The following CLTCL1 variants were observed in gnomAD, a reference collection of about 807,000 sequenced individuals.
CLTCL1 encodes the protein clathrin heavy chain like 1.
CLTCL1 carries 159 observed loss-of-function variants against 190.0 expected under a neutral mutation model. The observed-to-expected ratio is 0.84, with a 90% CI of 0.74 to 0.95. The LOEUF is 0.95. CLTCL1 is among the 40% of genes least tolerant of loss of function. The pLI is 0.00. For synonymous variants in CLTCL1, 752 were observed against 769.6 expected, an observed-to-expected ratio of 0.98 and a Z score of 0.38; for missense variants, 1,878 against 2,033.4, an observed-to-expected ratio of 0.92 and a Z score of 1.47.
rs144812591 is a variant in CLTCL1 at position 19,193,177 on chromosome 22, T to C, written c.4192-1742A>G. Among the ~76,000 whole-genome samples the C allele has an allele frequency of 3.9e-5, 6 of 152,308 alleles. No individual in the cohort carries two copies. In the East Asian group the frequency reaches 9.6e-4, roughly 24 times the overall value. ...GCAGGTATCACGCGAGTGGACAGAC[T>C]TGAAGTGGGGCACCAGCAGTCCTAG... On this transcript the variant is annotated intron_variant, in intron 26 of 32. Transcript: ENST00000427926.
intron 2 of CLTCL1, among the ~76,000 whole-genome samples, chr22:19,259,616 C>G (rs1355521241): frequency 2.6e-5 from 4 of 152,108 alleles, no homozygotes; most frequent in Non-Finnish European, 5.9e-5. Context: ...TTTGTGTCAC[C>G]ATGAACCACA....
rs782014472 is a variant in CLTCL1, at chr22:19,220,020, C to T, written c.2797-13G>A. ...TCTCATTGCACACCTGAAATGAGCA[C>T]ACTCATGTGTGTGACACAGCAGCCA... On this transcript the variant is annotated splice_polypyrimidine_tract_variant and intron_variant, in intron 17 of 32. Coordinates refer to ENST00000427926, the MANE Select transcript of CLTCL1 (RefSeq NM_007098.4). 4 of 1,613,754 alleles carry T rather than the reference C, an allele frequency of 2.5e-6. No homozygotes were observed. In the Admixed American group the frequency reaches 6.7e-5, roughly 27 times the overall value.
At chr22:19,279,128 A>G (rs1280855907) in intron 1 of CLTCL1, among the ~76,000 whole-genome samples, 1 of 151,880 alleles carries the variant, frequency 6.6e-6, no homozygotes, top group Non-Finnish European at 1.5e-5. Flanking sequence ...TACAGTATTT[A>G]TGTATTTATG....
At position 19,179,820 on chromosome 22, in the gene CLTCL1, A is replaced by G. The variant is rs2084066566; in HGVS notation, c.*170T>C. 7.4e-6 allele frequency: 2 copies of G among 269,672 alleles called. No individual in the cohort carries two copies. The highest frequency in any genetic ancestry group is 1.4e-5 in the Non-Finnish European group (2 of 139,578). 16.7% of individuals were successfully genotyped at this position (269,672 alleles called of 1,614,324 possible). ...GCGTCCCCTGTGCTGCTGGAGTGAC[A>G]TGCTCCTTGGAGAAGTTAGTAACTC... On this transcript the variant is annotated 3_prime_UTR_variant, in exon 33 of 33. Transcript: ENST00000427926.
At chr22:19,271,011 C>T (rs1403472770) in intron 2 of CLTCL1, among the ~76,000 whole-genome samples, 1 of 151,994 alleles carries the variant, frequency 6.6e-6, no homozygotes, top group Non-Finnish European at 1.5e-5. Context: ...GACCAGCCTT[C>T]TTTGGGAAAT....
intron 3 of CLTCL1, among the ~76,000 whole-genome samples, chr22:19,249,712 A>C (rs1226378528): frequency 6.6e-6 from 1 of 152,156 alleles, no homozygotes; most frequent in Non-Finnish European, 1.5e-5. Context: ...AAAGAAAAAA[A>C]AAGAAATAAC....
chr22:19,282,854 T>TTTTC (rs374292764), intron 1 of CLTCL1, among the ~76,000 whole-genome samples: 1 of 151,480 alleles, frequency 6.6e-6, no homozygotes, highest in African/African-American at 2.4e-5. Context: ...AAGCCAGGTT[T>TTTTC]TTTCTTTCTT....
intron 3 of CLTCL1, among the ~76,000 whole-genome samples, chr22:19,251,313 C>T (rs1555969924): frequency 6.6e-6 from 1 of 152,110 alleles, no homozygotes; most frequent in Admixed American, 6.5e-5. Flanking sequence ...TGTTTGCAAA[C>T]TGATATTGTA....
intron 3 of CLTCL1, among the ~76,000 whole-genome samples, chr22:19,246,612 G>A (rs532344493): frequency 6.6e-6 from 1 of 152,216 alleles, no homozygotes; most frequent in African/African-American, 2.4e-5. Flanking sequence ...GAGTAGCTGG[G>A]ATTAAAGGCA....
intron 1 of CLTCL1, among the ~76,000 whole-genome samples, chr22:19,287,270 TGTCATTATAAGAGG>T (rs1389357873): frequency 6.6e-6 from 1 of 151,208 alleles, no homozygotes; most frequent in African/African-American, 2.4e-5. Context: ...CTGGGAAGAG[TGTCATTATAAGAGG>T]AACCCCAAAG....
intron 22 of CLTCL1, among the ~76,000 whole-genome samples, chr22:19,203,406 C>G (rs1027122085): frequency 1.3e-5 from 2 of 152,218 alleles, no homozygotes; most frequent in African/African-American, 4.8e-5. Context: ...CATCAGAGCA[C>G]AGTTCTCAGG....
intron 22 of CLTCL1, among the ~76,000 whole-genome samples, chr22:19,202,404 G>T (rs1555940260): frequency 6.9e-6 from 1 of 145,686 alleles, no homozygotes; most frequent in South Asian, 2.2e-4. Flanking sequence ...CCCTCCTTCC[G>T]CCATCCACGG....
At position 19,222,097 on chromosome 22, in the gene CLTCL1, G is replaced by T; in HGVS notation, c.2419-4C>A. 1 of 1,613,320 alleles carries T rather than the reference G, an allele frequency of 6.2e-7. No homozygotes were observed. The highest frequency in any genetic ancestry group is 8.5e-7 in the Non-Finnish European group (1 of 1,179,576). On this transcript the variant is annotated splice_region_variant and splice_polypyrimidine_tract_variant and intron_variant, in intron 15 of 32. Coordinates refer to ENST00000427926, the MANE Select transcript of CLTCL1 (RefSeq NM_007098.4). ...CTGGGGTCCGGCTAGGGTTGACCTA[G>T]GGTAGTCAAGGTCAAGTAACTTCAG...
At chr22:19,275,891 A>G in intron 1 of CLTCL1, 61 bp from the exon 2 acceptor site, 1 of 1,390,180 alleles carries the variant, frequency 7.2e-7, no homozygotes, top group Non-Finnish European at 9.9e-7. Context: ...GACTGTAGCC[A>G]AAGGCAAAAG....
At chr22:19,289,736 C>T (rs146238122) in intron 1 of CLTCL1, among the ~76,000 whole-genome samples, 2,862 of 152,158 alleles carry the variant, frequency 0.019, 48 homozygotes, top group Non-Finnish European at 0.023. Context: ...ATACCAGATC[C>T]AGAACATAGA....
At chr22:19,217,574 C>A (rs1555950158) in intron 18 of CLTCL1, among the ~76,000 whole-genome samples, 1 of 145,514 alleles carries the variant, frequency 6.9e-6, no homozygotes, top group Non-Finnish European at 1.5e-5. Flanking sequence ...CGAGATCGCG[C>A]CACTGTACTC....
chr22:19,269,050 A>G (rs1191892545), intron 2 of CLTCL1, among the ~76,000 whole-genome samples: 42 of 150,524 alleles, frequency 2.8e-4, no homozygotes, highest in Non-Finnish European at 5.9e-5. Context: ...CGATAGCGCC[A>G]CTGCACTCCA....
intron 15 of CLTCL1, 140 bp from the exon 16 acceptor site, chr22:19,222,233 G>T: frequency 1.2e-6 from 1 of 802,464 alleles, no homozygotes; most frequent in Non-Finnish European, 2.0e-6. Flanking sequence ...AAATTCACCT[G>T]CTGATGTCCT....
intron 1 of CLTCL1, among the ~76,000 whole-genome samples, chr22:19,290,576 C>T (rs2088073963): frequency 6.6e-6 from 1 of 152,140 alleles, no homozygotes; most frequent in Non-Finnish European, 1.5e-5. Flanking sequence ...CCAAGTGACC[C>T]TGGCAGGATC....
Sources: gnomAD v4.1 joint callset for allele counts (sites outside exome capture counted in the v4.1 genomes callset) on GRCh38, gnomAD v4.1.1 for gene constraint, MANE v1.5 for transcripts, NCBI Gene and HGNC (gene_info 2026-07-23, HGNC 2026-07-21) for gene names.